The following GPC5 variants were observed in gnomAD, a reference collection of about 807,000 sequenced individuals.
GPC5 encodes glypican-5.
GPC5 carries 47 observed loss-of-function variants against 53.9 expected under a neutral mutation model. The ratio of observed to expected loss-of-function variants is 0.87; its 90% CI spans 0.69 to 1.11. GPC5 has a LOEUF of 1.11. GPC5 is among the 50% of genes most tolerant of loss of function. The pLI, the probability that GPC5 is intolerant of heterozygous loss-of-function variation, is 0.00. For missense variants in GPC5, 748 were observed against 713.1 expected, an observed-to-expected ratio of 1.05 and a Z score of -0.56; for synonymous variants, 286 against 263.3, an observed-to-expected ratio of 1.09 and a Z score of -0.84.
At chr13:92,655,022 A>G (rs1886081171) in intron 7 of GPC5, among the ~76,000 whole-genome samples, 1 of 152,180 alleles carries the variant, frequency 6.6e-6, no homozygotes, top group South Asian at 2.1e-4. Flanking sequence ...AGAGTACCAA[A>G]GATTGCTGGC....
chr13:92,363,221 G>GT (rs2043582128), intron 7 of GPC5, among the ~76,000 whole-genome samples: 1 of 151,680 alleles, frequency 6.6e-6, no homozygotes, highest in African/African-American at 2.4e-5. Flanking sequence ...AGGAATAGTT[G>GT]TTGTTTCCAC....
At chr13:92,431,296 A>G (rs2139374141) in intron 7 of GPC5, among the ~76,000 whole-genome samples, 1 of 152,282 alleles carries the variant, frequency 6.6e-6, no homozygotes, top group South Asian at 2.1e-4. Flanking sequence ...ATATACAATA[A>G]AAGATAATTT....
intron 7 of GPC5, among the ~76,000 whole-genome samples, chr13:92,746,927 C>T (rs1167962943): frequency 6.6e-6 from 1 of 152,096 alleles, no homozygotes; most frequent in African/African-American, 2.4e-5. Context: ...GTGATGTAAC[C>T]TATTGCACAC....
chr13:92,459,969 T>A (rs1451705349), intron 7 of GPC5, among the ~76,000 whole-genome samples: 2 of 152,166 alleles, frequency 1.3e-5, no homozygotes, highest in Non-Finnish European at 2.9e-5. Context: ...CTTTGTATCT[T>A]TACCACATAG....
chr13:92,755,596 GA>G (rs1157545301), intron 7 of GPC5, among the ~76,000 whole-genome samples: 6 of 147,254 alleles, frequency 4.1e-5, no homozygotes, highest in East Asian at 4.5e-4. Context: ...GACTAATAAA[GA>G]AAAAAAGAGA....
chr13:91,746,027 G>A (rs2037042913), intron 4 of GPC5, among the ~76,000 whole-genome samples: 1 of 152,186 alleles, frequency 6.6e-6, no homozygotes, highest in Non-Finnish European at 1.5e-5. Context: ...TGACAGGTGA[G>A]AATAACGTTA....
At chr13:91,447,843 A>G (rs1280777398) in intron 1 of GPC5, among the ~76,000 whole-genome samples, 1 of 152,024 alleles carries the variant, frequency 6.6e-6, no homozygotes, top group African/African-American at 2.4e-5. Context: ...ATGTAAATAA[A>G]ATTGTCCTGA....
At chr13:91,445,675 A>G (rs1388900865) in intron 1 of GPC5, among the ~76,000 whole-genome samples, 2 of 152,252 alleles carry the variant, frequency 1.3e-5, no homozygotes, top group Non-Finnish European at 2.9e-5. Context: ...GGGTTTTGCC[A>G]TGTTGGCCAG....
chr13:92,619,324 G>T (rs1389694106), intron 7 of GPC5, among the ~76,000 whole-genome samples: 3 of 151,810 alleles, frequency 2.0e-5, no homozygotes, highest in Non-Finnish European at 4.4e-5. Context: ...ATTATGAAAG[G>T]CTTCATATTG....
rs568059352 is a variant in GPC5, at chr13:92,814,432, G to A, written c.1562-51850G>A. 8.7e-4 allele frequency among the ~76,000 whole-genome samples: 132 copies of A among 151,934 alleles called. 2 individuals are homozygous for A. Among genetic ancestry groups the A allele is most frequent in the African/African-American group, 3.0e-3 (123 of 41,320 alleles). On this transcript the variant is annotated intron_variant, in intron 7 of 7. Transcript: ENST00000377067. ...TTCCAGCACTTTGGGAGGCCAAGGC[G>A]GGTGGATCACTTGAGGTCAGGAGTT...
chr13:91,572,053 GTA>G (rs1303154456), intron 2 of GPC5, among the ~76,000 whole-genome samples: 7 of 137,304 alleles, frequency 5.1e-5, no homozygotes, highest in African/African-American at 1.7e-4. Flanking sequence ...ACACACATAT[GTA>G]TATATACATG....
At position 92,866,369 on chromosome 13, in the gene GPC5, G is replaced by C; in HGVS notation, c.1649G>C (p.Cys550Ser). 1 of 1,613,064 alleles carries C rather than the reference G, an allele frequency of 6.2e-7. No homozygotes were observed. The highest frequency in any genetic ancestry group is 8.5e-7 in the Non-Finnish European group (1 of 1,179,288). Residue 550 changes from cysteine (C) to serine (S), a missense_variant, in exon 8 of 8, where the codon TGT (cysteine) becomes TCT (serine). Coordinates refer to ENST00000377067, the MANE Select transcript of GPC5 (RefSeq NM_004466.6). The part of the protein sequence containing the change: ...GSTLDTTGAG[C>S]AVATESMTFT... The stretch of plus-strand genomic sequence containing the variant: ...ACTTTAGACACAACAGGAGCAGGAT[G>C]TGCAGTGGCGACTGAATCTATGACA...
intron 7 of GPC5, chr13:92,447,502 G>A (rs1877876475): frequency 6.6e-6 from 1 of 151,810 alleles, no homozygotes; most frequent in African/African-American, 2.4e-5. Flanking sequence ...TATTACTTGT[G>A]GGAATTAGGA....
intron 4 of GPC5, among the ~76,000 whole-genome samples, chr13:91,745,333 T>A (rs2037025053): frequency 6.6e-6 from 1 of 152,084 alleles, no homozygotes. Flanking sequence ...TCTATCCTAA[T>A]TGCATAGATG....
At chr13:92,300,570 A>C (rs1262460407) in intron 7 of GPC5, among the ~76,000 whole-genome samples, 1 of 152,208 alleles carries the variant, frequency 6.6e-6, no homozygotes, top group African/African-American at 2.4e-5. Flanking sequence ...TTAATTCAAA[A>C]AGCCTTGGAA....
intron 7 of GPC5, among the ~76,000 whole-genome samples, chr13:92,296,735 G>A (rs957738643): frequency 2.0e-5 from 3 of 152,186 alleles, no homozygotes; most frequent in African/African-American, 7.2e-5. Flanking sequence ...TGTGGGCGTG[G>A]GCTTGGTGGG....
chr13:91,809,149 T>C (rs906373003), intron 5 of GPC5, among the ~76,000 whole-genome samples: 1 of 152,156 alleles, frequency 6.6e-6, no homozygotes, highest in African/African-American at 2.4e-5. Context: ...TCTGTACCTG[T>C]GAATGTGCTT....
rs559628307 is a variant in GPC5, at chr13:92,548,446, TAA to T, written c.1562-317835_1562-317834del. Among the ~76,000 whole-genome samples, 412 of 151,584 alleles carry T rather than the reference TAA, an allele frequency of 2.7e-3. 1 individual carries two copies. The highest frequency in any genetic ancestry group is 4.7e-3 in the Non-Finnish European group (316 of 67,834). ...TGTTTTTAAATATATAAAATATATT[TAA>T]GTTATCCTAAACAAATAACAATAAT... On this transcript the variant is annotated intron_variant, in intron 7 of 7. Transcript: ENST00000377067.
chr13:91,681,491 T>C (rs2035507717), intron 2 of GPC5, among the ~76,000 whole-genome samples: 1 of 152,228 alleles, frequency 6.6e-6, no homozygotes. Flanking sequence ...GTGGAATTTA[T>C]GCAGCATCAC....
Sources: gnomAD v4.1 joint callset for allele counts (sites outside exome capture counted in the v4.1 genomes callset) on GRCh38, gnomAD v4.1.1 for gene constraint, MANE v1.5 for transcripts, NCBI Gene and HGNC (gene_info 2026-07-23, HGNC 2026-07-21) for gene names.